Variants in COPB1 observed in about 807,000 individuals in gnomAD.
COPB1 encodes coat protein complex I subunit beta 1.
Under a neutral mutation model 108.7 loss-of-function variants are expected in COPB1, and 21 were observed. That is an observed-to-expected ratio of 0.19 (90% CI 0.14 to 0.28). The LOEUF is 0.28. Ranked by LOEUF, COPB1 falls within the 10% of genes least tolerant of loss-of-function variation. The pLI is 1.00. For synonymous variants in COPB1, 378 were observed against 386.8 expected, an observed-to-expected ratio of 0.98 and a Z score of 0.27; for missense variants, 919 against 1,141.3, an observed-to-expected ratio of 0.81 and a Z score of 2.81.
At chr11:14,485,468 C>T (rs1412309581) in intron 7 of COPB1, among the ~76,000 whole-genome samples, 1 of 152,204 alleles carries the variant, frequency 6.6e-6, no homozygotes, top group African/African-American at 2.4e-5. Flanking sequence ...TGCCCAGCCA[C>T]GCACGTAACT....
At chr11:14,480,677 T>C in intron 10 of COPB1, 82 bp downstream of exon 10, 1 of 1,352,292 alleles carries the variant, frequency 7.4e-7, no homozygotes. Context: ...GCAGCTGAGA[T>C]TTCTGGAGTT....
At chr11:14,475,971 TTAGTAA>T in intron 12 of COPB1, 26 bp from the exon 13 acceptor site, 1 of 1,554,424 alleles carries the variant, frequency 6.4e-7, no homozygotes, top group Non-Finnish European at 8.7e-7. Context: ...AAACATCATT[TTAGTAA>T]TAGTATCAAC....
chr11:14,477,049 G>A (rs1245311770), intron 11 of COPB1, 34 bp from the exon 12 acceptor site: 1 of 1,360,782 alleles, frequency 7.3e-7, no homozygotes, highest in South Asian at 1.2e-5. Context: ...CATGAACTTG[G>A]CAGACAAATC....
chr11:14,465,182 G>A lies in COPB1; in HGVS notation c.2291-152C>T, dbSNP rs960664821. ...ATAAGGAATATGACGAATATGAGAA[G>A]AGTATGAATCAAATATAATGAGGAC... On this transcript the variant is annotated intron_variant, in intron 17 of 21. Transcript: ENST00000439561. The A allele has an allele frequency of 3.6e-6, 4 of 1,119,156 alleles. No homozygotes were observed. In the Admixed American group the frequency reaches 9.3e-5, roughly 26 times the overall value. 69.3% of individuals were successfully genotyped at this position (1,119,156 alleles called of 1,614,324 possible).
chr11:14,462,247 TTTTG>T, intron 18 of COPB1, among the ~76,000 whole-genome samples: 1 of 151,150 alleles, frequency 6.6e-6, no homozygotes, highest in African/African-American at 2.4e-5. Flanking sequence ...TTTTTTTTTT[TTTTG>T]AGATGGAGTT....
At chr11:14,469,185 CAG>C (rs1850351790) in intron 15 of COPB1, 149 bp downstream of exon 15, 1 of 678,310 alleles carries the variant, frequency 1.5e-6, no homozygotes. Context: ...TTTGTTGAGA[CAG>C]GGGCTTGCTA....
At chr11:14,470,730 G>A (rs576024885) in intron 14 of COPB1, among the ~76,000 whole-genome samples, 7 of 152,134 alleles carry the variant, frequency 4.6e-5, no homozygotes, top group East Asian at 3.9e-4. Flanking sequence ...AAAAAAATCC[G>A]AGGAAATGAC....
At chr11:14,467,730 A>G (rs1273163006) in intron 16 of COPB1, among the ~76,000 whole-genome samples, 11 of 152,236 alleles carry the variant, frequency 7.2e-5, no homozygotes, top group Non-Finnish European at 1.6e-4. Flanking sequence ...AAATTCTGAT[A>G]CATGCTATGA....
chr11:14,487,062 AT>A (rs1269269625), intron 6 of COPB1, among the ~76,000 whole-genome samples: 1 of 152,208 alleles, frequency 6.6e-6, no homozygotes, highest in Non-Finnish European at 1.5e-5. Context: ...AGCAAGAAAG[AT>A]AACACATTTT....
chr11:14,493,768 C>A lies in COPB1; in HGVS notation c.365G>T (p.Arg122Leu). 6.2e-7 allele frequency: 1 copy of A among 1,612,060 alleles called. No individual in the cohort carries two copies. Among genetic ancestry groups the A allele is most frequent in the South Asian group, 1.1e-5 (1 of 90,618 alleles). Residue 122 changes from arginine (R) to leucine (L), a missense_variant, in exon 4 of 22, where the codon CGT becomes CTT. Coordinates refer to ENST00000439561, the MANE Select transcript of COPB1 (RefSeq NM_001144061.2). ...PNEFIRGSTL[R>L]FLCKLKEAEL... is the part of the protein sequence containing the mutation. ...TGCTTCTTTCAATTTGCAAAGAAAA[C>A]GAAGAGTAGATCCTCGAATAAATTC... is the stretch of plus-strand genomic sequence containing the variant.
At chr11:14,475,187 A>G (rs751984068) in intron 13 of COPB1, among the ~76,000 whole-genome samples, 8 of 152,090 alleles carry the variant, frequency 5.3e-5, no homozygotes, top group Non-Finnish European at 1.2e-4. Flanking sequence ...AATTAGGGGC[A>G]TACGTAATTG....
intron 11 of COPB1, among the ~76,000 whole-genome samples, chr11:14,477,973 T>G (rs1385862924): frequency 1.4e-5 from 2 of 147,956 alleles, no homozygotes; most frequent in African/African-American, 5.0e-5. Flanking sequence ...GCCACTGCAC[T>G]CCAGCCTGGG....
At chr11:14,476,841 G>T in intron 12 of COPB1, 78 bp downstream of exon 12, 1 of 813,700 alleles carries the variant, frequency 1.2e-6, no homozygotes, top group Non-Finnish European at 2.1e-6. Flanking sequence ...AATAATGTAA[G>T]CAAATCACTA....
chr11:14,477,831 C>T (rs953229997), intron 11 of COPB1, among the ~76,000 whole-genome samples: 1 of 144,950 alleles, frequency 6.9e-6, no homozygotes, highest in Admixed American at 7.1e-5. Context: ...TGAGAGGCGG[C>T]GGTTGCAGTG....
intron 14 of COPB1, among the ~76,000 whole-genome samples, chr11:14,470,916 ACACACACACACACAC>A (rs1382744034): frequency 2.9e-5 from 3 of 102,772 alleles, no homozygotes. Flanking sequence ...ACACACACAC[ACACACACACACACAC>A]ACACACACAC....
chr11:14,474,631 G>C lies in COPB1; in HGVS notation c.1617-16C>G. On this transcript the variant is annotated splice_polypyrimidine_tract_variant and intron_variant, in intron 13 of 21. Transcript: ENST00000439561. ...CAAGGGAGGTCTGCAAAGCAACCAA[G>C]GAAAATCAAACCCACCAACTTGCTA... The C allele has an allele frequency of 4.3e-6, 7 of 1,612,076 alleles. No homozygotes were observed. The highest frequency in any genetic ancestry group is 5.9e-6 in the Non-Finnish European group (7 of 1,179,318).
intron 11 of COPB1, among the ~76,000 whole-genome samples, chr11:14,478,651 C>T (rs1850583550): frequency 6.6e-6 from 1 of 151,480 alleles, no homozygotes; most frequent in Admixed American, 6.6e-5. Flanking sequence ...AAAGTCTCAC[C>T]ATGTTGCCCA....
chr11:14,476,895 A>C, intron 12 of COPB1, 24 bp downstream of exon 12: 1 of 1,447,784 alleles, frequency 6.9e-7, no homozygotes. Context: ...CATATAAACT[A>C]ACATTTACTA....
At chr11:14,498,604 A>C (rs1195261441) in intron 2 of COPB1, among the ~76,000 whole-genome samples, 1 of 152,214 alleles carries the variant, frequency 6.6e-6, no homozygotes, top group Non-Finnish European at 1.5e-5. Context: ...ATTTTGAGGA[A>C]TATCTAAACT....
Sources: allele counts gnomAD v4.1 joint callset (sites outside exome capture counted in the v4.1 genomes callset), GRCh38; gene constraint gnomAD v4.1.1; transcripts MANE v1.5; gene names NCBI Gene and HGNC (gene_info 2026-07-23, HGNC 2026-07-21).